The following NLK variants were observed in gnomAD, a reference collection of about 807,000 sequenced individuals.
The protein encoded by NLK is serine/threonine-protein kinase NLK.
Under a neutral mutation model 59.0 loss-of-function variants are expected in NLK, and 11 were observed. The ratio of observed to expected loss-of-function variants is 0.19; its 90% CI spans 0.12 to 0.31. The LOEUF (loss-of-function observed/expected upper bound fraction) is 0.31. NLK is among the 10% of genes least tolerant of loss of function. The pLI is 1.00. For missense variants in NLK, 410 were observed against 661.1 expected (o/e 0.62, Z 4.16); for synonymous variants, 235 against 235.9 (o/e 1.00, Z 0.03).
chr17:28,099,461 T>C (rs1040423295), intron 1 of NLK, among the ~76,000 whole-genome samples: 4 of 152,212 alleles, frequency 2.6e-5, no homozygotes, highest in Non-Finnish European at 4.4e-5. Context: ...CAGGCAACCA[T>C]TGGTCTAGTT....
chr17:28,132,535 G>T, intron 2 of NLK, 85 bp from the exon 3 acceptor site: 1 of 966,496 alleles, frequency 1.0e-6, no homozygotes, highest in South Asian at 1.5e-5. Context: ...AAGCATTAAA[G>T]AGTTGTTAGT....
At chr17:28,110,142 G>A (rs184698027) in intron 1 of NLK, among the ~76,000 whole-genome samples, 112 of 152,034 alleles carry the variant, frequency 7.4e-4, no homozygotes, top group Admixed American at 1.5e-3. Context: ...AATTTATTCC[G>A]TAAGTATTTT....
chr17:28,140,016 T>G (rs112784386), intron 3 of NLK, among the ~76,000 whole-genome samples: 5 of 152,092 alleles, frequency 3.3e-5, no homozygotes, highest in African/African-American at 4.8e-5. Context: ...GACATTTCAG[T>G]TGAGCATTGA....
At chr17:28,155,427 T>C (rs1907661263) in intron 3 of NLK, among the ~76,000 whole-genome samples, 1 of 152,214 alleles carries the variant, frequency 6.6e-6, no homozygotes, top group Non-Finnish European at 1.5e-5. Flanking sequence ...ATCCCATTAC[T>C]GGTTATATAC....
At chr17:28,197,562 C>A (rs1243277263), downstream of NLK, among the ~76,000 whole-genome samples, 1 of 151,668 alleles carries the variant, frequency 6.6e-6, no homozygotes, top group South Asian at 2.1e-4. Flanking sequence ...CTTAGAAAAC[C>A]AAGGAGATTT....
intron 1 of NLK, among the ~76,000 whole-genome samples, chr17:28,061,687 T>C (rs1909642606): frequency 6.6e-6 from 1 of 151,000 alleles, no homozygotes; most frequent in Admixed American, 6.7e-5. Context: ...GCCCTAGTAA[T>C]TGGTGATTTC....
the NLK span, among the ~76,000 whole-genome samples, chr17:28,202,499 T>C: frequency 6.6e-6 from 1 of 150,810 alleles, no homozygotes; most frequent in East Asian, 2.0e-4. Flanking sequence ...GCTAATATTT[T>C]GTTGAAGATT....
rs1444557607 is a variant in NLK at position 28,196,059 on chromosome 17, G to T, written c.*1423G>T. 1 of 152,570 alleles carries T rather than the reference G, an allele frequency of 6.6e-6. No homozygotes were observed. Among genetic ancestry groups the T allele is most frequent in the Non-Finnish European group, 1.5e-5 (1 of 68,012 alleles). 9.5% of individuals were successfully genotyped at this position (152,570 alleles called of 1,614,324 possible). On this transcript the variant is annotated 3_prime_UTR_variant, in exon 11 of 11. Transcript: ENST00000407008. ...TTGAGTGATCTGAGCTGAATTTGAA[G>T]ACTATTAATAAGTTATGTTTGGAAG...
At chr17:28,124,705 CAAGT>C (rs1906219071) in intron 2 of NLK, among the ~76,000 whole-genome samples, 1 of 152,050 alleles carries the variant, frequency 6.6e-6, no homozygotes, top group African/African-American at 2.4e-5. Context: ...GTCAGAGACT[CAAGT>C]AAAGGTATCC....
intron 7 of NLK, among the ~76,000 whole-genome samples, chr17:28,183,638 G>A (rs1274676064): frequency 6.6e-6 from 1 of 152,054 alleles, no homozygotes; most frequent in Non-Finnish European, 1.5e-5. Context: ...CTTAGCCTGT[G>A]ACTTTATTGT....
chr17:28,168,392 T>C (rs1490079921), intron 5 of NLK, 56 bp from the exon 6 acceptor site: 1 of 1,347,560 alleles, frequency 7.4e-7, no homozygotes, highest in African/African-American at 1.4e-5. Flanking sequence ...TGATGTTTTG[T>C]TTTACTCTTT....
chr17:28,066,757 A>G (rs928133024), intron 1 of NLK, among the ~76,000 whole-genome samples: 1 of 152,220 alleles, frequency 6.6e-6, no homozygotes, highest in Non-Finnish European at 1.5e-5. Flanking sequence ...GCTTGTGAGC[A>G]TTTGGTGATA....
chr17:28,136,257 A>G (rs951662020), intron 3 of NLK, among the ~76,000 whole-genome samples: 2 of 152,188 alleles, frequency 1.3e-5, no homozygotes, highest in Non-Finnish European at 2.9e-5. Flanking sequence ...ACAGATGGAA[A>G]AATCAAATCT....
intron 7 of NLK, among the ~76,000 whole-genome samples, chr17:28,175,222 G>T (rs879823914): frequency 1.3e-5 from 2 of 151,502 alleles, no homozygotes; most frequent in African/African-American, 4.9e-5. Context: ...GAGGCAGGCG[G>T]ATCACGAGGT....
intron 3 of NLK, among the ~76,000 whole-genome samples, chr17:28,153,849 G>A (rs1049513301): frequency 5.9e-5 from 9 of 151,962 alleles, no homozygotes; most frequent in Non-Finnish European, 1.3e-4. Context: ...AGAAATTTTT[G>A]GTACATACTA....
At chr17:28,185,850 T>G (rs1455606223) in intron 8 of NLK, among the ~76,000 whole-genome samples, 1 of 152,124 alleles carries the variant, frequency 6.6e-6, no homozygotes, top group Non-Finnish European at 1.5e-5. Flanking sequence ...GACACAAAGT[T>G]TTTTAAGGTT....
intron 1 of NLK, among the ~76,000 whole-genome samples, chr17:28,080,629 G>A (rs1362007300): frequency 6.6e-6 from 1 of 152,180 alleles, no homozygotes; most frequent in Non-Finnish European, 1.5e-5. Flanking sequence ...AACAGGATGG[G>A]ACCAATATCG....
chr17:28,120,384 CAGGTGTG>C (rs1397206547), intron 1 of NLK, among the ~76,000 whole-genome samples: 1 of 151,904 alleles, frequency 6.6e-6, no homozygotes, highest in Non-Finnish European at 1.5e-5. Flanking sequence ...CTGGGTTTAA[CAGGTGTG>C]AGCCACTGCG....
At chr17:28,199,665 C>CAAAAAAAAAAAAAAAAAAAA (rs1303411168), downstream of NLK, among the ~76,000 whole-genome samples, 1 of 33,588 alleles carries the variant, frequency 3.0e-5, no homozygotes, top group Non-Finnish European at 5.4e-5. Context: ...GACTCTGTCT[C>CAAAAAAAAAAAAAAAAAAAA]AAAAAAAAAA....
Sources: gnomAD v4.1 joint callset for allele counts (sites outside exome capture counted in the v4.1 genomes callset) on GRCh38, gnomAD v4.1.1 for gene constraint, MANE v1.5 for transcripts, NCBI Gene and HGNC (gene_info 2026-07-23, HGNC 2026-07-21) for gene names.